Variants in PHF20 observed in about 807,000 individuals in gnomAD.
The protein encoded by PHF20 is PHD finger protein 20.
A neutral mutation model predicts 113.5 loss-of-function variants in PHF20; 23 were observed. That is an observed-to-expected ratio of 0.20 (90% CI 0.15 to 0.29). The LOEUF is 0.29. PHF20 is among the 10% of genes least tolerant of loss of function. PHF20 has a pLI of 1.00. For synonymous variants in PHF20, 434 were observed against 457.3 expected (o/e 0.95, Z 0.65); for missense variants, 943 against 1,219.6 (o/e 0.77, Z 3.38).
chr20:35,814,872 CAAAAAA>C (rs761940820), intron 2 of PHF20, among the ~76,000 whole-genome samples: 1 of 52,268 alleles, frequency 1.9e-5, no homozygotes, highest in African/African-American at 6.5e-5. Flanking sequence ...GACTCCGTCT[CAAAAAA>C]AAAAAAAAAA....
At position 35,842,682 on chromosome 20, in the gene PHF20, T is replaced by G. The variant is rs1349635784; in HGVS notation, c.193T>G (p.Leu65Val). 1.2e-6 allele frequency: 2 copies of G among 1,614,184 alleles called. No homozygotes were observed. The highest frequency in any genetic ancestry group is 1.3e-5 in the African/African-American group (1 of 75,050). The change falls in exon 3 of 18, where the codon TTA becomes GTA. Residue 65 changes from leucine (L) to valine (V), a missense_variant. By Grantham distance (32) the Leu-to-Val change is conservative (BLOSUM62 1). Around this residue, in one of 3 missense-constraint regions of PHF20, gnomAD observed 592 missense variants for 787.2 expected, o/e 0.75. Coordinates refer to ENST00000374012, the MANE Select transcript of PHF20 (RefSeq NM_016436.5). ...DEWFCWDSPY[L>V]RPLEKIQLRK... ...GTGGTTCTGCTGGGACAGTCCTTATTTACGCCCTTTAGAGAAAATACAGCT... is the reference window on the plus strand; with the variant it reads ...GTGGTTCTGCTGGGACAGTCCTTATGTACGCCCTTTAGAGAAAATACAGCT...
intron 9 of PHF20, among the ~76,000 whole-genome samples, chr20:35,879,426 T>C (rs1397611902): frequency 6.6e-6 from 1 of 152,194 alleles, no homozygotes; most frequent in Non-Finnish European, 1.5e-5. Context: ...CATCTTGAAA[T>C]AGAAATATGT....
intron 2 of PHF20, 68 bp downstream of exon 2, chr20:35,801,673 G>A (rs1355309671): frequency 1.0e-6 from 1 of 978,112 alleles, no homozygotes; most frequent in African/African-American, 1.6e-5. Context: ...TGATAGAGTG[G>A]TAGCTTAGGC....
chr20:35,809,876 T>C (rs1358002786), intron 2 of PHF20, among the ~76,000 whole-genome samples: 1 of 152,170 alleles, frequency 6.6e-6, no homozygotes, highest in Non-Finnish European at 1.5e-5. Context: ...CCTAGGCAGA[T>C]AGGGACAGTT....
intron 2 of PHF20, among the ~76,000 whole-genome samples, chr20:35,802,916 G>T (rs1350980623): frequency 1.4e-5 from 2 of 144,204 alleles, no homozygotes; most frequent in East Asian, 2.0e-4. Flanking sequence ...TCCAGCCTGG[G>T]CAACAGAGTG....
intron 2 of PHF20, among the ~76,000 whole-genome samples, chr20:35,834,097 G>A (rs1013964610): frequency 4.0e-5 from 6 of 151,048 alleles, no homozygotes; most frequent in African/African-American, 1.2e-4. Context: ...AAGGCGGGAG[G>A]GTTTATTCAA....
At chr20:35,811,649 A>T (rs2146883547) in intron 2 of PHF20, among the ~76,000 whole-genome samples, 1 of 152,068 alleles carries the variant, frequency 6.6e-6, no homozygotes, top group East Asian at 1.9e-4. Context: ...TCACCATGTT[A>T]GGCTGGTTGA....
At chr20:35,942,719 G>T (rs2056006632) in intron 17 of PHF20, among the ~76,000 whole-genome samples, 1 of 152,162 alleles carries the variant, frequency 6.6e-6, no homozygotes, top group Non-Finnish European at 1.5e-5. Context: ...AAAGCTTAAA[G>T]ATTTTATTTA....
intron 2 of PHF20, among the ~76,000 whole-genome samples, chr20:35,816,428 AT>A (rs2042074523): frequency 6.6e-6 from 1 of 151,750 alleles, no homozygotes; most frequent in African/African-American, 2.4e-5. Context: ...ATTATATTTG[AT>A]TTATGTCATA....
intron 2 of PHF20, among the ~76,000 whole-genome samples, chr20:35,829,944 C>T (rs998098418): frequency 6.0e-5 from 9 of 149,934 alleles, no homozygotes; most frequent in African/African-American, 2.2e-4. Context: ...GATGGAGTTT[C>T]GCTCTGTCAC....
intron 3 of PHF20, among the ~76,000 whole-genome samples, chr20:35,843,055 C>T (rs957223596): frequency 6.6e-6 from 1 of 151,922 alleles, no homozygotes; most frequent in Admixed American, 6.6e-5. Context: ...ATTACAGGTG[C>T]CCACCCTGGC....
intron 1 of PHF20, among the ~76,000 whole-genome samples, chr20:35,772,390 C>T (rs1017264492): frequency 6.6e-6 from 1 of 151,878 alleles, no homozygotes; most frequent in African/African-American, 2.4e-5. Flanking sequence ...CGGAGCGGGC[C>T]GTGTTGGGGG....
intron 4 of PHF20, among the ~76,000 whole-genome samples, chr20:35,847,928 G>A (rs2042651951): frequency 6.6e-6 from 1 of 152,188 alleles, no homozygotes; most frequent in African/African-American, 2.4e-5. Flanking sequence ...TTGAACATGT[G>A]AAGAGACAGG....
At chr20:35,943,311 A>G (rs184895481) in intron 17 of PHF20, among the ~76,000 whole-genome samples, 72 of 151,986 alleles carry the variant, frequency 4.7e-4, no homozygotes, top group Admixed American at 1.5e-3. Flanking sequence ...TGCACTCCAG[A>G]CTGGGCAACA....
intron 13 of PHF20, among the ~76,000 whole-genome samples, chr20:35,924,446 G>A (rs781393709): frequency 3.3e-5 from 5 of 151,656 alleles, no homozygotes; most frequent in Admixed American, 1.3e-4. Context: ...CGCCCACCTC[G>A]GCCTCCCAAA....
intron 4 of PHF20, among the ~76,000 whole-genome samples, chr20:35,852,642 A>G (rs2042754329): frequency 6.7e-6 from 1 of 148,808 alleles, no homozygotes; most frequent in Non-Finnish European, 1.5e-5. Flanking sequence ...TCTGTTGCCC[A>G]TGCTGGAGTG....
chr20:35,832,152 C>T (rs2042367238), intron 2 of PHF20, among the ~76,000 whole-genome samples: 1 of 152,194 alleles, frequency 6.6e-6, no homozygotes, highest in African/African-American at 2.4e-5. Flanking sequence ...CCCAGCTTCA[C>T]TGCCTCTTTG....
intron 5 of PHF20, among the ~76,000 whole-genome samples, chr20:35,861,315 A>G (rs2054214553): frequency 6.6e-6 from 1 of 152,186 alleles, no homozygotes. Flanking sequence ...AACAGATATC[A>G]TTGTTCTTAA....
intron 2 of PHF20, among the ~76,000 whole-genome samples, chr20:35,831,161 T>TCCCTCCCTCCC (rs557902653): frequency 6.9e-6 from 1 of 145,010 alleles, no homozygotes; most frequent in African/African-American, 2.6e-5. Context: ...CCCTCCCTCC[T>TCCCTCCCTCCC]TTCCTTCTCA....
Sources: gnomAD v4.1 joint callset for allele counts (sites outside exome capture counted in the v4.1 genomes callset) on GRCh38, gnomAD v4.1.1 for gene constraint, gnomAD v4.1.1 regional missense constraint, MANE v1.5 for transcripts, NCBI Gene and HGNC (gene_info 2026-07-23, HGNC 2026-07-21) for gene names.